SAMM50: variants seen among roughly 807,000 people sequenced by gnomAD.
SAMM50 encodes SAMM50 sorting and assembly machinery component.
SAMM50 carries 47 observed loss-of-function variants against 66.9 expected under a neutral mutation model. The ratio of observed to expected loss-of-function variants is 0.70; its 90% CI spans 0.56 to 0.90. The LOEUF (loss-of-function observed/expected upper bound fraction) is 0.90. Among genes scored for constraint, SAMM50 ranks in the 40% least tolerant of loss-of-function variants. The pLI is 0.00. For missense variants in SAMM50, 535 were observed against 595.3 expected (o/e 0.90, Z 1.05); for synonymous variants, 191 against 214.1 (o/e 0.89, Z 0.94).
intron 1 of SAMM50, among the ~76,000 whole-genome samples, chr22:43,958,007 C>G (rs1474721040): frequency 6.6e-6 from 1 of 152,194 alleles, no homozygotes; most frequent in Non-Finnish European, 1.5e-5. Flanking sequence ...CCTGCCTCGG[C>G]CTTCCAAAGT....
intron 3 of SAMM50, 23 bp from the exon 4 acceptor site, chr22:43,968,708 G>T (rs1314734717): frequency 7.9e-6 from 12 of 1,526,108 alleles, no homozygotes; most frequent in Non-Finnish European, 1.1e-5. Flanking sequence ...TATATTCCTT[G>T]TTTTTCTTCC....
Position 43,983,873 on chromosome 22 carries a change from T to C in SAMM50, c.1008-60T>C. On this transcript the variant is annotated intron_variant, in intron 11 of 14. Transcript: ENST00000350028. The surrounding 1 kb of genome is among the most constrained non-coding windows in gnomAD (Gnocchi z 4.2). The stretch of plus-strand genomic sequence containing the variant: ...TGACATGTGTTTCCTACGCGTTCCG[T>C]GTGTCATGTCGTTTCTCACCTCCTG... 2 of 1,193,002 alleles carry C rather than the reference T, an allele frequency of 1.7e-6. No homozygotes were observed. Among genetic ancestry groups the C allele is most frequent in the East Asian group, 4.9e-5 (2 of 40,804 alleles). The allele number at this position is 1,193,002 out of a possible 1,614,324, so 73.9% of individuals were successfully genotyped here.
chr22:43,996,086 G>A (rs1475710398), intron 14 of SAMM50: 6 of 609,368 alleles, frequency 9.8e-6, no homozygotes, highest in Non-Finnish European at 1.5e-5. Context: ...AGGGAGTAGT[G>A]CAGGAGGATT....
At chr22:43,994,267 G>C (rs1357814117) in intron 14 of SAMM50, among the ~76,000 whole-genome samples, 1 of 152,206 alleles carries the variant, frequency 6.6e-6, no homozygotes, top group Non-Finnish European at 1.5e-5. Flanking sequence ...AGGAACAGAA[G>C]GGGGAGTGGG....
At chr22:43,961,555 T>G (rs987955931) in intron 1 of SAMM50, among the ~76,000 whole-genome samples, 19 of 152,316 alleles carry the variant, frequency 1.2e-4, no homozygotes, top group African/African-American at 4.3e-4. Flanking sequence ...GTTCAAGCGA[T>G]TCTCCTGCCT....
intron 1 of SAMM50, among the ~76,000 whole-genome samples, chr22:43,960,692 A>T (rs1216316752): frequency 6.6e-6 from 1 of 152,124 alleles, no homozygotes; most frequent in Non-Finnish European, 1.5e-5. Flanking sequence ...TTGCGCCATT[A>T]CACTCAAGCC....
chr22:43,996,019 C>T (rs1569038579), intron 14 of SAMM50, among the ~76,000 whole-genome samples: 1 of 152,222 alleles, frequency 6.6e-6, no homozygotes, highest in South Asian at 2.1e-4. Context: ...CCCTGCTCCG[C>T]CTCTCATCGG....
At chr22:43,995,108 A>G (rs554441367) in intron 14 of SAMM50, among the ~76,000 whole-genome samples, 14 of 152,288 alleles carry the variant, frequency 9.2e-5, no homozygotes, top group Admixed American at 8.5e-4. Flanking sequence ...TGGTGTTTTA[A>G]GGCCATGGAT....
chr22:43,955,556 G>A lies in SAMM50; in HGVS notation c.-22G>A. ...CTGTCCCGCCCGGGCAGCTCTGCGAGGCAGCGGCTGGAGAGGGAACCATGG... is the reference window on the plus strand; with the variant it reads ...CTGTCCCGCCCGGGCAGCTCTGCGAAGCAGCGGCTGGAGAGGGAACCATGG... On this transcript the variant is annotated 5_prime_UTR_variant, in exon 1 of 15. Coordinates refer to ENST00000350028, the MANE Select transcript of SAMM50 (RefSeq NM_015380.5). The A allele has an allele frequency of 6.3e-7, 1 of 1,599,018 alleles. No individual in the cohort carries two copies. The highest frequency in any genetic ancestry group is 1.1e-5 in the South Asian group (1 of 88,588).
At chr22:43,955,715 G>C (rs897468555) in intron 1 of SAMM50, 117 bp downstream of exon 1, 3 of 1,188,900 alleles carry the variant, frequency 2.5e-6, no homozygotes, top group Non-Finnish European at 3.5e-6. Flanking sequence ...AGGGTGCCAA[G>C]GGTGCCGGGC....
At chr22:43,978,029 G>A in intron 10 of SAMM50, 71 bp downstream of exon 10, 2 of 995,784 alleles carry the variant, frequency 2.0e-6, no homozygotes. Context: ...CAGAATCTTA[G>A]CTCCTGAATA....
intron 3 of SAMM50, among the ~76,000 whole-genome samples, chr22:43,965,288 C>G (rs2050167443): frequency 6.6e-6 from 1 of 151,928 alleles, no homozygotes; most frequent in Non-Finnish European, 1.5e-5. Context: ...TCACTGCAAC[C>G]TCTGCCTCCC....
chr22:43,959,736 A>G (rs1440752460), intron 1 of SAMM50, among the ~76,000 whole-genome samples: 1 of 152,068 alleles, frequency 6.6e-6, no homozygotes, highest in Non-Finnish European at 1.5e-5. Context: ...TAGGCATAGA[A>G]TTTATGGGAT....
chr22:43,978,364 G>A (rs994486808), intron 10 of SAMM50, among the ~76,000 whole-genome samples: 1 of 143,862 alleles, frequency 7.0e-6, no homozygotes, highest in African/African-American at 2.6e-5. Context: ...GAACTCCGGA[G>A]GCAGAGCTTG....
In SAMM50 at chr22:43,977,832, T is replaced by C. The variant is rs1328620496; in HGVS notation, c.850-40T>C. 17 of 1,364,216 alleles carry C rather than the reference T, an allele frequency of 1.2e-5. No homozygotes were observed. In the African/African-American group the frequency reaches 2.2e-4, roughly 17 times the overall value. 84.5% of individuals were successfully genotyped at this position (1,364,216 alleles called of 1,614,324 possible). A position where few individuals can be genotyped will look rare whatever the true frequency, so the allele number is the denominator to read the frequency against. ...ATGATTCTGTAGCCCCTGTAATAAG[T>C]CTGTTTGCTCCCTTTGACCTGAGTG... On this transcript the variant is annotated intron_variant, in intron 9 of 14. Transcript: ENST00000350028.
chr22:43,964,925 C>T (rs532292165), intron 3 of SAMM50, among the ~76,000 whole-genome samples: 30 of 152,212 alleles, frequency 2.0e-4, no homozygotes, highest in Admixed American at 9.2e-4. Flanking sequence ...GTGGGGTGGG[C>T]GCTTATCTGG....
intron 12 of SAMM50, chr22:43,988,150 G>C (rs1309243916): frequency 6.6e-6 from 1 of 152,184 alleles, no homozygotes; most frequent in African/African-American, 2.4e-5. Flanking sequence ...AGAAGAGAGA[G>C]GAGGAGTGGT....
At chr22:43,957,545 C>G (rs1484652744) in intron 1 of SAMM50, among the ~76,000 whole-genome samples, 1 of 152,152 alleles carries the variant, frequency 6.6e-6, no homozygotes, top group Middle Eastern at 3.2e-3. Context: ...GCCTCAGCCT[C>G]CCATGTAGCT....
intron 14 of SAMM50, among the ~76,000 whole-genome samples, chr22:43,992,276 C>T (rs549774968): frequency 6.6e-6 from 1 of 152,342 alleles, no homozygotes; most frequent in Admixed American, 6.5e-5. Flanking sequence ...CAGGTGCAGT[C>T]TGCGTCTGTC....
Sources: gnomAD v4.1 joint callset for allele counts (sites outside exome capture counted in the v4.1 genomes callset) on GRCh38, gnomAD v4.1.1 for gene constraint, Gnocchi (gnomAD v3.1) non-coding constraint, MANE v1.5 for transcripts, NCBI Gene and HGNC (gene_info 2026-07-23, HGNC 2026-07-21) for gene names.